Variants in POLR1F observed in about 807,000 individuals in gnomAD.
POLR1F encodes DNA-directed RNA polymerase I subunit RPA43.
POLR1F carries 23 observed loss-of-function variants against 21.8 expected under a neutral mutation model. The observed-to-expected ratio is 1.05, with a 90% CI of 0.76 to 1.49. The LOEUF (loss-of-function observed/expected upper bound fraction) is 1.49, where lower values mean the gene tolerates loss of function less well. Ranked by LOEUF, POLR1F falls within the 40% of genes most tolerant of loss-of-function variation. The pLI is 0.00. For missense variants in POLR1F, 435 were observed against 412.1 expected (o/e 1.06, Z -0.48); for synonymous variants, 162 against 152.8 (o/e 1.06, Z -0.45).
Position 19,700,258 on chromosome 7 carries a change from G to T in POLR1F, c.419C>A (p.Ser140Tyr), listed in dbSNP as rs760745308. 1.2e-6 allele frequency: 2 copies of T among 1,613,514 alleles called. No homozygotes were observed. ...ATGTACTAAACAGCCAATGTGGCTA[G>T]AAGACACTTTATTAACTATACCCTG... ...KLMGIVNKVS[S>Y]SHIGCLVHGC... Residue 140 changes from serine to tyrosine, a missense_variant, in exon 3 of 4, where the codon TCT (serine) becomes TAT (tyrosine). Physicochemically the swap from Ser to Tyr is moderately radical, Grantham distance 144 (BLOSUM62 -2). Coordinates refer to ENST00000222567, the MANE Select transcript of POLR1F (RefSeq NM_001002926.2).
rs1783363158 is a variant in POLR1F at position 19,696,306 on chromosome 7, C to G, written c.*2010G>C. The G allele has an allele frequency of 6.6e-6, 1 of 152,076 alleles. No homozygotes were observed. Among genetic ancestry groups the G allele is most frequent in the South Asian group, 2.1e-4 (1 of 4,822 alleles). The allele number at this position is 152,076 out of a possible 1,614,324, so 9.4% of individuals were successfully genotyped here. On this transcript the variant is annotated 3_prime_UTR_variant, in exon 4 of 4. Transcript: ENST00000222567. ...CATTGTGAAAAAAGCAGGAACAAAT[C>G]TAGTTTCAAGTTCAGCATGCCGTTC...
chr7:19,708,191 C>T (rs1294864143), intron 1 of POLR1F, among the ~76,000 whole-genome samples: 2 of 152,090 alleles, frequency 1.3e-5, no homozygotes, highest in African/African-American at 4.8e-5. Context: ...CAACAAAATC[C>T]CGCTAAACTA....
rs142320230 is a variant in POLR1F, at chr7:19,708,256, T to C, written c.254+507A>G. Reference sequence around the variant, plus strand: ...CCAAGAGAAGAGAAAATGGGGAAATTACCAGAGCGAAATCCAACAACAAAA... The same window carrying C: ...CCAAGAGAAGAGAAAATGGGGAAATCACCAGAGCGAAATCCAACAACAAAA... On this transcript the variant is annotated intron_variant, in intron 1 of 3. Transcript: ENST00000222567. Among the ~76,000 whole-genome samples the C allele has an allele frequency of 4.6e-3, 695 of 152,258 alleles. 4 individuals carry two copies. The highest frequency in any genetic ancestry group is 0.014 in the Middle Eastern group (4 of 294).
At chr7:19,708,135 C>T (rs1192636267) in intron 1 of POLR1F, among the ~76,000 whole-genome samples, 8 of 152,054 alleles carry the variant, frequency 5.3e-5, no homozygotes, top group African/African-American at 1.9e-4. Flanking sequence ...TTTCTCTCCC[C>T]AAAGCAACAG....
At position 19,698,329 on chromosome 7, in the gene POLR1F, C is replaced by T; in HGVS notation, c.1004G>A (p.Ser335Asn). 1 of 1,561,856 alleles carries T rather than the reference C, an allele frequency of 6.4e-7. No individual in the cohort carries two copies. ...LKCSPKRKGKSNFL is the reference protein window; with the variant it reads ...LKCSPKRKGKNNFL ...GTTTAAAATACACTAAAGAAAATTA[C>T]TTTTCCCTTTTCTTTTTGGTGAGCA... Residue 335 changes from serine to asparagine, a missense_variant, in exon 4 of 4, where the codon AGT becomes AAT. By Grantham distance (46) the Ser-to-Asn change is conservative (BLOSUM62 1). Transcript: ENST00000222567.
In POLR1F at chr7:19,696,668, A is replaced by G. The variant is rs1783369014; in HGVS notation, c.*1648T>C. 1 of 152,082 alleles carries G rather than the reference A, an allele frequency of 6.6e-6. No individual in the cohort carries two copies. Among genetic ancestry groups the G allele is most frequent in the Non-Finnish European group, 1.5e-5 (1 of 67,944 alleles). The allele number at this position is 152,082 out of a possible 1,614,324, so 9.4% of individuals were successfully genotyped here. ...TACTTCCTTTAAAATAGCACTGACC[A>G]AAAGAAAGTTAACATGAGCTTCATG... On this transcript the variant is annotated 3_prime_UTR_variant, in exon 4 of 4. Coordinates refer to ENST00000222567, the MANE Select transcript of POLR1F (RefSeq NM_001002926.2).
At chr7:19,698,856 C>T in intron 3 of POLR1F, 129 bp from the exon 4 acceptor site, 1 of 631,848 alleles carries the variant, frequency 1.6e-6, no homozygotes, top group Admixed American at 3.8e-5. Context: ...ATAACCATGG[C>T]ATAAATTCCA....
Position 19,709,036 on chromosome 7 carries a change from A to G in POLR1F, c.-20T>C, listed in dbSNP as rs746185312. 1.4e-5 allele frequency: 21 copies of G among 1,552,488 alleles called. No homozygotes were observed. Among genetic ancestry groups the G allele is most frequent in the Non-Finnish European group, 1.8e-5 (21 of 1,152,208 alleles). ...AGCCATGCTGCTTGTCAAGGTTCCC[A>G]CGGCGCGCGCCGTTGACGCAAGCAC... On this transcript the variant is annotated 5_prime_UTR_variant, in exon 1 of 4. Coordinates refer to ENST00000222567, the MANE Select transcript of POLR1F (RefSeq NM_001002926.2).
chr7:19,702,502 T>A (rs1783458640), intron 2 of POLR1F, among the ~76,000 whole-genome samples: 1 of 152,138 alleles, frequency 6.6e-6, no homozygotes, highest in African/African-American at 2.4e-5. Flanking sequence ...GCACAACTTT[T>A]CGGCAGACAA....
In POLR1F at chr7:19,698,399, T is replaced by G; in HGVS notation, c.934A>C (p.Lys312Gln). The change falls in exon 4 of 4, where the codon AAA (lysine) becomes CAA (glutamine). Residue 312 changes from lysine to glutamine, a missense_variant. Coordinates refer to ENST00000222567, the MANE Select transcript of POLR1F (RefSeq NM_001002926.2). ...TCGGCCTCTTCACTGTGTTTTCTTT[T>G]CTTTTTTTTCTTTTTATGGTCACTT... ...YQSDHKKKKK[K>Q]RKHSEEAEFT... 6.2e-7 allele frequency: 1 copy of G among 1,607,736 alleles called. No individual in the cohort carries two copies. Among genetic ancestry groups the G allele is most frequent in the Non-Finnish European group, 8.5e-7 (1 of 1,178,634 alleles).
Position 19,698,659 on chromosome 7 carries a change from T to A in POLR1F, c.674A>T (p.Lys225Ile). The A allele has an allele frequency of 6.3e-7, 1 of 1,591,916 alleles. No individual in the cohort carries two copies. The highest frequency in any genetic ancestry group is 8.5e-7 in the Non-Finnish European group (1 of 1,174,644). ...TENGTEEAAK[K>I]PKKKKKKKDP... ...TTTCTTCTTTTTCTTCTTTTTAGGT[T>A]TTTTAGCAGCTTCCTCAGTGCCATT... is the stretch of plus-strand genomic sequence containing the variant. The change falls in exon 4 of 4, where the codon AAA becomes ATA. Residue 225 changes from lysine to isoleucine, a missense_variant. Physicochemically the swap from Lys to Ile is moderately radical, Grantham distance 102. Coordinates refer to ENST00000222567, the MANE Select transcript of POLR1F (RefSeq NM_001002926.2).
At chr7:19,707,741 G>A (rs73680666) in intron 1 of POLR1F, among the ~76,000 whole-genome samples, 4,759 of 152,154 alleles carry the variant, frequency 0.031, 231 homozygotes, top group African/African-American at 0.11. Flanking sequence ...CTCTCCTACA[G>A]CTTAAAGCTC....
rs1192866125 is a variant in POLR1F at position 19,700,196 on chromosome 7, A to G, written c.481T>C (p.Leu161=). 2 of 1,613,932 alleles carry G rather than the reference A, an allele frequency of 1.2e-6. No homozygotes were observed. Among genetic ancestry groups the G allele is most frequent in the Admixed American group, 3.3e-5 (2 of 60,002 alleles). The part of the protein sequence containing the change: ...FNASIPKPEQ[L]SAEQWQTMEI... Reference sequence around the variant, plus strand: ...ATGGTTTGCCACTGCTCAGCTGACAACTGCTCAGGTTTAGGAATGGAGGCA... The same window carrying G: ...ATGGTTTGCCACTGCTCAGCTGACAGCTGCTCAGGTTTAGGAATGGAGGCA... The change falls in exon 3 of 4, where the codon TTG becomes CTG. Residue 161 remains leucine (L), a synonymous_variant. Transcript: ENST00000222567.
chr7:19,699,690 A>G (rs1783425202), intron 3 of POLR1F, among the ~76,000 whole-genome samples: 1 of 152,194 alleles, frequency 6.6e-6, no homozygotes, highest in Non-Finnish European at 1.5e-5. Flanking sequence ...GACAATAATC[A>G]ACACAATTTT....
rs370486721 is a variant in POLR1F at position 19,701,843 on chromosome 7, T to G, written c.397-1563A>C. The stretch of plus-strand genomic sequence containing the variant: ...TCCAAAAGTGTGTGGACTCAGAGCT[T>G]CTGTTGTTAATTGTATACGAAATAA... On this transcript the variant is annotated intron_variant, in intron 2 of 3. Transcript: ENST00000222567. 1.1e-3 allele frequency among the ~76,000 whole-genome samples: 168 copies of G among 152,098 alleles called. 1 individual carries two copies. In the South Asian group the frequency reaches 0.015, roughly 13 times the overall value.
chr7:19,702,315 CAATGA>C (rs1783456384), intron 2 of POLR1F, among the ~76,000 whole-genome samples: 1 of 152,022 alleles, frequency 6.6e-6, no homozygotes, highest in African/African-American at 2.4e-5. Flanking sequence ...TTCAGAAAAT[CAATGA>C]AAGAAAAGGT....
Position 19,704,788 on chromosome 7 carries a change from C to T in POLR1F, c.387G>A (p.Gln129=), listed in dbSNP as rs897944067. The T allele has an allele frequency of 1.4e-5, 23 of 1,597,196 alleles. No individual in the cohort carries two copies. Among genetic ancestry groups the T allele is most frequent in the Non-Finnish European group, 1.8e-5 (21 of 1,175,474 alleles). Residue 129 remains glutamine (Q), a synonymous_variant, in exon 2 of 4, where the codon CAG becomes CAA. Coordinates refer to ENST00000222567, the MANE Select transcript of POLR1F (RefSeq NM_001002926.2). ...DFVIFCPEPG[Q]KLMGIVNKVS... ...AAAGTGATACACATACCATAAGCTT[C>T]TGCCCTGGTTCAGGGCAGAAAATAA...
rs752206207 is a variant in POLR1F, at chr7:19,698,737, AAC to A, written c.606-12_606-11del. ...GCGCTTGAATTGTAAACTATAAATT[AAC>A]AGTTAAAAAAATTAACAGAACAATA... On this transcript the variant is annotated splice_polypyrimidine_tract_variant and intron_variant, in intron 3 of 3. Transcript: ENST00000222567. The A allele has an allele frequency of 7.0e-7, 1 of 1,424,680 alleles. No homozygotes were observed. Among genetic ancestry groups the A allele is most frequent in the South Asian group, 1.6e-5 (1 of 61,290 alleles). 88.3% of individuals were successfully genotyped at this position (1,424,680 alleles called of 1,614,324 possible).
chr7:19,696,291 A>G lies in POLR1F; in HGVS notation c.*2025T>C, dbSNP rs1361912471. 6.6e-6 allele frequency: 1 copy of G among 152,102 alleles called. No homozygotes were observed. Among genetic ancestry groups the G allele is most frequent in the African/African-American group, 2.4e-5 (1 of 41,438 alleles). 9.4% of individuals were successfully genotyped at this position (152,102 alleles called of 1,614,324 possible). ...TTTCAAAACTACTCACATTGTGAAA[A>G]AAGCAGGAACAAATCTAGTTTCAAG... On this transcript the variant is annotated 3_prime_UTR_variant, in exon 4 of 4. Transcript: ENST00000222567.
Sources: gnomAD v4.1 joint callset for allele counts (sites outside exome capture counted in the v4.1 genomes callset) on GRCh38, gnomAD v4.1.1 for gene constraint, MANE v1.5 for transcripts, NCBI Gene and HGNC (gene_info 2026-07-23, HGNC 2026-07-21) for gene names.